Variants in ATP8A1 observed in about 807,000 individuals in gnomAD.
ATP8A1 encodes phospholipid-transporting ATPase IA.
In ATP8A1, 90 loss-of-function variants were observed where a neutral mutation model predicts 177.7. The observed-to-expected ratio is 0.51, with a 90% CI of 0.43 to 0.60. ATP8A1 has a LOEUF of 0.60. Ranked by LOEUF, ATP8A1 falls within the 20% of genes least tolerant of loss-of-function variation. ATP8A1 has a pLI of 0.00. For missense variants in ATP8A1, 1,072 were observed against 1,392.8 expected (o/e 0.77, Z 3.67); for synonymous variants, 493 against 485.9 (o/e 1.01, Z -0.19).
intron 18 of ATP8A1, among the ~76,000 whole-genome samples, chr4:42,550,658 G>C (rs1729411963): frequency 6.6e-6 from 1 of 152,160 alleles, no homozygotes; most frequent in Non-Finnish European, 1.5e-5. Flanking sequence ...GTGGCCAGGT[G>C]CAGTGGTTCA....
chr4:42,555,118 TA>T (rs1560454068), intron 16 of ATP8A1, among the ~76,000 whole-genome samples: 6 of 96,824 alleles, frequency 6.2e-5, no homozygotes, highest in Non-Finnish European at 6.2e-5. Context: ...TCTATCTATC[TA>T]TCTATCTATC....
At chr4:42,455,463 G>C in intron 28 of ATP8A1, 44 bp from the exon 29 acceptor site, 1 of 1,613,640 alleles carries the variant, frequency 6.2e-7, no homozygotes, top group Non-Finnish European at 8.5e-7. Flanking sequence ...GCCAAATGCA[G>C]GGTGAACCTT....
At chr4:42,644,937 TTATGC>T (rs997504933) in intron 1 of ATP8A1, among the ~76,000 whole-genome samples, 16 of 150,822 alleles carry the variant, frequency 1.1e-4, no homozygotes, top group African/African-American at 3.9e-4. Context: ...TACCAAGTCA[TTATGC>T]TATTTTTTTC....
intron 4 of ATP8A1, among the ~76,000 whole-genome samples, chr4:42,622,253 G>A (rs1391940187): frequency 2.0e-5 from 3 of 151,686 alleles, no homozygotes; most frequent in African/African-American, 7.3e-5. Context: ...ATGGTGGTGG[G>A]AGCCTGTAAT....
intron 25 of ATP8A1, among the ~76,000 whole-genome samples, chr4:42,482,715 T>TG (rs1332124287): frequency 6.6e-6 from 1 of 152,208 alleles, no homozygotes; most frequent in East Asian, 1.9e-4. Context: ...AAGTGGCTGA[T>TG]GCAATCCTGA....
intron 1 of ATP8A1, among the ~76,000 whole-genome samples, chr4:42,636,295 C>T (rs1052088457): frequency 6.6e-6 from 1 of 152,134 alleles, no homozygotes; most frequent in African/African-American, 2.4e-5. Context: ...GAAGCAATTA[C>T]TGCAGTGACA....
chr4:42,575,227 G>A (rs1732325725), intron 13 of ATP8A1, among the ~76,000 whole-genome samples: 1 of 152,216 alleles, frequency 6.6e-6, no homozygotes, highest in African/African-American at 2.4e-5. Flanking sequence ...TGTGAATATA[G>A]TATGAATTAT....
At chr4:42,524,264 AG>A (rs1726447742) in intron 21 of ATP8A1, among the ~76,000 whole-genome samples, 1 of 152,210 alleles carries the variant, frequency 6.6e-6, no homozygotes, top group African/African-American at 2.4e-5. Context: ...GGCGTGTGGT[AG>A]GGGCTCTCTA....
chr4:42,600,641 T>G, intron 5 of ATP8A1, 123 bp from the exon 6 acceptor site: 2 of 803,376 alleles, frequency 2.5e-6, no homozygotes, highest in Non-Finnish European at 3.9e-6. Flanking sequence ...TTTTATAGGT[T>G]AAAATTCTAA....
intron 29 of ATP8A1, among the ~76,000 whole-genome samples, chr4:42,453,286 A>G (rs971425173): frequency 6.6e-6 from 1 of 152,180 alleles, no homozygotes; most frequent in Non-Finnish European, 1.5e-5. Context: ...TGTGTATACA[A>G]CTGTGCATTT....
At chr4:42,485,851 T>C (rs528197450) in intron 24 of ATP8A1, among the ~76,000 whole-genome samples, 183 bp from the exon 25 acceptor site, 5 of 152,302 alleles carry the variant, frequency 3.3e-5, no homozygotes, top group African/African-American at 9.6e-5. Context: ...ACAATTGTTA[T>C]CAGAAAAAGT....
chr4:42,559,634 T>A (rs1218264934), intron 15 of ATP8A1, among the ~76,000 whole-genome samples: 4 of 152,238 alleles, frequency 2.6e-5, no homozygotes, highest in African/African-American at 9.6e-5. Context: ...GTTTAACTGG[T>A]ATAAAATACT....
At chr4:42,435,456 A>AAAAAC (rs1715856462) in intron 33 of ATP8A1, among the ~76,000 whole-genome samples, 14 of 101,010 alleles carry the variant, frequency 1.4e-4, no homozygotes, top group African/African-American at 4.2e-4. Context: ...AAAACAAAAA[A>AAAAAC]AAAAAAACAA....
chr4:42,541,315 A>C (rs1578132130), intron 20 of ATP8A1, among the ~76,000 whole-genome samples: 1 of 152,200 alleles, frequency 6.6e-6, no homozygotes, highest in East Asian at 1.9e-4. Context: ...TTAAGCCAAC[A>C]ATAAAATACC....
Position 42,409,317 on chromosome 4 carries a change from C to T in ATP8A1, c.*3599G>A, listed in dbSNP as rs1354761478. 6.6e-6 allele frequency: 1 copy of T among 152,114 alleles called. No individual in the cohort carries two copies. The highest frequency in any genetic ancestry group is 1.5e-5 in the Non-Finnish European group (1 of 67,986). The allele number at this position is 152,114 out of a possible 1,614,324, so 9.4% of individuals were successfully genotyped here. A position where few individuals can be genotyped will look rare whatever the true frequency, so the allele number is the denominator to read the frequency against. On this transcript the variant is annotated 3_prime_UTR_variant, in exon 37 of 37. Coordinates refer to ENST00000381668, the MANE Select transcript of ATP8A1 (RefSeq NM_006095.2). Reference sequence around the variant, plus strand: ...CCTTCAAAATTTAACTTACATTCCACTTTAATAGCTGTTGAAGGTTAATTA... The same window carrying T: ...CCTTCAAAATTTAACTTACATTCCATTTTAATAGCTGTTGAAGGTTAATTA...
At position 42,410,713 on chromosome 4, in the gene ATP8A1, T is replaced by C. The variant is rs1250743054; in HGVS notation, c.*2203A>G. 6.6e-6 allele frequency: 1 copy of C among 152,196 alleles called. No homozygotes were observed. 9.4% of individuals were successfully genotyped at this position (152,196 alleles called of 1,614,324 possible). On this transcript the variant is annotated 3_prime_UTR_variant, in exon 37 of 37. Coordinates refer to ENST00000381668, the MANE Select transcript of ATP8A1 (RefSeq NM_006095.2). ...TGTTACACATTATCAACCGTAAGTA[T>C]TCTTCTCATGTTTAAGAGCTCCACA...
intron 24 of ATP8A1, among the ~76,000 whole-genome samples, chr4:42,494,840 T>C (rs1428240263): frequency 1.3e-5 from 2 of 152,198 alleles, no homozygotes; most frequent in African/African-American, 2.4e-5. Context: ...TAATTAATTA[T>C]AAAGACGACA....
chr4:42,435,851 C>T (rs774279493), intron 33 of ATP8A1, among the ~76,000 whole-genome samples: 33 of 152,190 alleles, frequency 2.2e-4, no homozygotes, highest in Admixed American at 5.2e-4. Context: ...CCATTATAAT[C>T]CTGTCCCCTA....
intron 34 of ATP8A1, among the ~76,000 whole-genome samples, chr4:42,423,356 C>T (rs1215965391): frequency 6.6e-6 from 1 of 151,994 alleles, no homozygotes; most frequent in African/African-American, 2.4e-5. Context: ...GGGGCTGTTT[C>T]TAAAAAACAT....
Sources: allele counts gnomAD v4.1 joint callset (sites outside exome capture counted in the v4.1 genomes callset), GRCh38; gene constraint gnomAD v4.1.1; transcripts MANE v1.5; gene names NCBI Gene and HGNC (gene_info 2026-07-23, HGNC 2026-07-21).